ZFHX3: variants seen among roughly 807,000 people sequenced by gnomAD.
ZFHX3 encodes the protein zinc finger homeobox protein 3.
In ZFHX3, 42 loss-of-function variants were observed where a neutral mutation model predicts 279.1. The ratio of observed to expected loss-of-function variants is 0.15; its 90% CI spans 0.12 to 0.19. The LOEUF (loss-of-function observed/expected upper bound fraction) is 0.19. Ranked by LOEUF, ZFHX3 falls within the 10% of genes least tolerant of loss-of-function variation. The pLI is 1.00. For missense variants in ZFHX3, 4,981 were observed against 4,754.0 expected (o/e 1.05, Z -1.40); for synonymous variants, 2,293 against 1,957.8 (o/e 1.17, Z -4.52).
rs145252218 is a variant in ZFHX3, at chr16:73,032,873, G to A, written c.-50+14879C>T. On this transcript the variant is annotated intron_variant, in intron 1 of 9. Transcript: ENST00000268489. ...TCAGACCCTTTAAGCATATAAAACC[G>A]GAGAGGTTGAACTGTTTACATTCAC... Among the ~76,000 whole-genome samples the A allele has an allele frequency of 2.7e-3, 417 of 152,264 alleles. 2 individuals carry two copies. The highest frequency in any genetic ancestry group is 9.8e-3 in the African/African-American group (407 of 41,558).
chr16:73,441,985 G>A (rs962512393), intron 3 of ZFHX3, among the ~76,000 whole-genome samples: 1 of 152,184 alleles, frequency 6.6e-6, no homozygotes, highest in Non-Finnish European at 1.5e-5. Context: ...TCAACAGTTA[G>A]TGTCTTGGGA....
At chr16:73,462,125 C>T (rs560992972) in intron 2 of ZFHX3, among the ~76,000 whole-genome samples, 1 of 152,166 alleles carries the variant, frequency 6.6e-6, no homozygotes, top group South Asian at 2.1e-4. Context: ...AGCTATGGTA[C>T]ATGATGTATT....
At chr16:73,507,419 T>G (rs766488051) in intron 2 of ZFHX3, among the ~76,000 whole-genome samples, 8 of 150,800 alleles carry the variant, frequency 5.3e-5, no homozygotes, top group Non-Finnish European at 7.4e-5. Flanking sequence ...GTCCCTCCCT[T>G]GGATGGACAC....
intron 1 of ZFHX3, among the ~76,000 whole-genome samples, chr16:73,850,237 C>T (rs769907368): frequency 4.6e-5 from 7 of 152,182 alleles, no homozygotes; most frequent in Non-Finnish European, 8.8e-5. Context: ...GTTATTAACC[C>T]ACATGCTGTT....
At chr16:73,883,366 G>A (rs1250186506) in intron 1 of ZFHX3, among the ~76,000 whole-genome samples, 1 of 151,750 alleles carries the variant, frequency 6.6e-6, no homozygotes, top group African/African-American at 2.4e-5. Flanking sequence ...AGTTTAGCTG[G>A]TGCATAAACA....
rs74028035 is a variant in ZFHX3, at chr16:73,138,515, T to C, written c.-1024+5237A>G. The stretch of plus-strand genomic sequence containing the variant: ...GGCAGGGAGTGAAAGAAAACAAACA[T>C]CTGGTTCCAGAATATCAAGGCATGA... On this transcript the variant is annotated intron_variant, in intron 6 of 17. Coordinates refer to the ZFHX3 transcript ENST00000641206. 2.0e-3 allele frequency among the ~76,000 whole-genome samples: 304 copies of C among 152,056 alleles called. 1 individual carries two copies. Among genetic ancestry groups the C allele is most frequent in the African/African-American group, 5.9e-3 (244 of 41,464 alleles).
intron 4 of ZFHX3, among the ~76,000 whole-genome samples, chr16:72,864,296 C>G (rs1179348271): frequency 1.3e-5 from 2 of 152,126 alleles, no homozygotes; most frequent in South Asian, 4.1e-4. Flanking sequence ...CCTGGCCACC[C>G]ACATTGACCA....
chr16:73,744,647 C>T (rs1335062739), intron 1 of ZFHX3, among the ~76,000 whole-genome samples: 1 of 152,134 alleles, frequency 6.6e-6, no homozygotes, highest in Non-Finnish European at 1.5e-5. Flanking sequence ...CTTTTTGGAG[C>T]CTCTGCTGGA....
At chr16:73,692,210 T>A (rs1246793541) in intron 1 of ZFHX3, among the ~76,000 whole-genome samples, 4 of 152,016 alleles carry the variant, frequency 2.6e-5, no homozygotes, top group Non-Finnish European at 5.9e-5. Flanking sequence ...AATAAATAGA[T>A]TGAGGTGGAA....
intron 4 of ZFHX3, among the ~76,000 whole-genome samples, chr16:73,309,741 G>A (rs1258808132): frequency 2.0e-5 from 3 of 152,132 alleles, no homozygotes; most frequent in Admixed American, 2.0e-4. Flanking sequence ...CTTTGAATTT[G>A]ATCCAGCAGG....
At chr16:73,268,886 T>C (rs2014061935) in intron 4 of ZFHX3, among the ~76,000 whole-genome samples, 1 of 152,134 alleles carries the variant, frequency 6.6e-6, no homozygotes, top group Non-Finnish European at 1.5e-5. Context: ...TGTGGGCAAC[T>C]GCAGACAGGG....
intron 1 of ZFHX3, among the ~76,000 whole-genome samples, chr16:73,005,288 G>A (rs1351109150): frequency 3.3e-5 from 5 of 152,168 alleles, no homozygotes; most frequent in East Asian, 1.9e-4. Context: ...GAGGCCATGA[G>A]TTTGAGACCA....
chr16:73,866,537 C>G (rs1489078400), intron 1 of ZFHX3, among the ~76,000 whole-genome samples: 2 of 152,172 alleles, frequency 1.3e-5, no homozygotes, highest in Non-Finnish European at 2.9e-5. Context: ...AAGTCCATCA[C>G]TTTTCAAAGA....
intron 3 of ZFHX3, among the ~76,000 whole-genome samples, chr16:73,372,036 A>G (rs1011855183): frequency 1.3e-5 from 2 of 152,242 alleles, no homozygotes; most frequent in Non-Finnish European, 2.9e-5. Flanking sequence ...TCTATTTCCA[A>G]GAAGTCAAAG....
chr16:73,590,247 A>G (rs1325899998), intron 2 of ZFHX3, among the ~76,000 whole-genome samples: 1 of 152,208 alleles, frequency 6.6e-6, no homozygotes, highest in South Asian at 2.1e-4. Context: ...ACTCCTAAAA[A>G]CCATAACTGG....
Position 72,935,452 on chromosome 16 carries a change from G to A in ZFHX3, c.3216+15017C>T, listed in dbSNP as rs924719277. On this transcript the variant is annotated intron_variant, in intron 3 of 9. Transcript: ENST00000268489. ...TTTAAATTTCTATGTTTAAGATTCC[G>A]TCTTTTGGCCGGGTGCGGTAGCTCA... 5.3e-5 allele frequency among the ~76,000 whole-genome samples: 8 copies of A among 152,282 alleles called. No individual in the cohort carries two copies. In the East Asian group the frequency reaches 5.8e-4, roughly 11 times the overall value.
intron 6 of ZFHX3, chr16:73,143,680 T>C (rs1966853375): frequency 8.8e-7 from 1 of 1,132,188 alleles, no homozygotes; most frequent in African/African-American, 1.6e-5. Flanking sequence ...GGCTGGTTAG[T>C]CTTTTTTGAC....
rs183080041 is a variant in ZFHX3 at position 73,565,736 on chromosome 16, G to A, written c.-1546-109478C>T. On this transcript the variant is annotated intron_variant, in intron 2 of 17. Coordinates refer to the ZFHX3 transcript ENST00000641206. ...TTTTTTTACTCTCCTACACAGGTTAGTCCCTTTTTTATGTGAAGTAAGAAT... is the reference window on the plus strand; with the variant it reads ...TTTTTTTACTCTCCTACACAGGTTAATCCCTTTTTTATGTGAAGTAAGAAT... Among the ~76,000 whole-genome samples, 240 of 152,250 alleles carry A rather than the reference G, an allele frequency of 1.6e-3. 1 individual carries two copies. The highest frequency in any genetic ancestry group is 2.9e-3 in the Non-Finnish European group (196 of 68,018).
At chr16:73,003,830 G>A (rs1963595251) in intron 1 of ZFHX3, among the ~76,000 whole-genome samples, 1 of 151,784 alleles carries the variant, frequency 6.6e-6, no homozygotes. Context: ...GAATTCACGG[G>A]GGGAAAAGCT....
Sources: gnomAD v4.1 joint callset for allele counts (sites outside exome capture counted in the v4.1 genomes callset) on GRCh38, gnomAD v4.1.1 for gene constraint, MANE v1.5 for transcripts, NCBI Gene and HGNC (gene_info 2026-07-23, HGNC 2026-07-21) for gene names.